The following DOCK9 variants were observed in gnomAD, a reference collection of about 807,000 sequenced individuals.
The protein encoded by DOCK9 is dedicator of cytokinesis protein 9.
DOCK9 carries 89 observed loss-of-function variants against 263.3 expected under a neutral mutation model. The ratio of observed to expected loss-of-function variants is 0.34; its 90% CI spans 0.28 to 0.40. The LOEUF (loss-of-function observed/expected upper bound fraction) is 0.40, where lower values mean the gene tolerates loss of function less well. Among genes scored for constraint, DOCK9 ranks in the 10% least tolerant of loss-of-function variants. The probability of loss-of-function intolerance (pLI) is 1.00; values close to 1 mark genes in which losing one functional copy is unlikely to be tolerated. For synonymous variants in DOCK9, 976 were observed against 973.1 expected (o/e 1.00, Z -0.06); for missense variants, 2,140 against 2,603.4 (o/e 0.82, Z 3.87).
intron 1 of DOCK9, among the ~76,000 whole-genome samples, chr13:99,057,965 A>C (rs2041004051): frequency 1.3e-5 from 2 of 152,300 alleles, no homozygotes; most frequent in South Asian, 4.1e-4. Context: ...ACAATCCTAG[A>C]ATAATTACAT....
intron 2 of DOCK9, among the ~76,000 whole-genome samples, chr13:98,940,085 C>T (rs564020471): frequency 1.7e-3 from 254 of 152,290 alleles, no homozygotes; most frequent in Non-Finnish European, 2.5e-3. Context: ...TGTTTCAGAG[C>T]ATATGACTTG....
intron 1 of DOCK9, among the ~76,000 whole-genome samples, chr13:99,006,152 T>C (rs189906605): frequency 2.9e-3 from 439 of 152,300 alleles, no homozygotes; most frequent in African/African-American, 0.01. Context: ...AAACACGTGA[T>C]GAAGATAACG....
intron 2 of DOCK9, among the ~76,000 whole-genome samples, chr13:98,953,007 T>C (rs559199326): frequency 1.3e-5 from 2 of 152,312 alleles, no homozygotes; most frequent in South Asian, 4.1e-4. Context: ...CTGCTCTTAT[T>C]CTGCCTAAGA....
At chr13:98,830,500 G>A (rs2092716595) in intron 41 of DOCK9, among the ~76,000 whole-genome samples, 1 of 152,178 alleles carries the variant, frequency 6.6e-6, no homozygotes, top group Non-Finnish European at 1.5e-5. Flanking sequence ...ATGCCACCAT[G>A]GGTCCTCCTC....
chr13:98,978,741 A>G (rs1449158133), upstream of DOCK9, among the ~76,000 whole-genome samples: 3 of 152,192 alleles, frequency 2.0e-5, no homozygotes, highest in Non-Finnish European at 4.4e-5. Context: ...CTCCCTTCAA[A>G]GAACTTCACA....
At position 99,017,347 on chromosome 13, in the gene DOCK9, A is replaced by G. The variant is rs1229391539; in HGVS notation, c.130-61796T>C. On this transcript the variant is annotated intron_variant, in intron 1 of 32. Transcript: ENST00000427887. ...TTAAATGTCAGTTTTGAGAATTCAG[A>G]AAATCTACCAATTAACCTGACTCCT... Among the ~76,000 whole-genome samples, 4 of 152,244 alleles carry G rather than the reference A, an allele frequency of 2.6e-5. No homozygotes were observed. In the East Asian group the frequency reaches 7.7e-4, roughly 29 times the overall value.
At chr13:98,942,516 G>A (rs909761433) in intron 2 of DOCK9, among the ~76,000 whole-genome samples, 1 of 152,136 alleles carries the variant, frequency 6.6e-6, no homozygotes, top group Non-Finnish European at 1.5e-5. Context: ...GGGATTACAG[G>A]CGTGAGCCAC....
chr13:98,868,815 T>A (rs1357993676), intron 27 of DOCK9, among the ~76,000 whole-genome samples: 1 of 152,202 alleles, frequency 6.6e-6, no homozygotes, highest in Non-Finnish European at 1.5e-5. Flanking sequence ...AAAAATGAAT[T>A]AACCCTCCTT....
At chr13:99,078,140 T>C (rs2041985050) in intron 1 of DOCK9, among the ~76,000 whole-genome samples, 1 of 151,966 alleles carries the variant, frequency 6.6e-6, no homozygotes, top group South Asian at 2.1e-4. Flanking sequence ...AAGGAGCTGG[T>C]AGGACAGCCA....
At chr13:98,934,702 C>T (rs1452393527) in intron 2 of DOCK9, among the ~76,000 whole-genome samples, 1 of 152,132 alleles carries the variant, frequency 6.6e-6, no homozygotes. Context: ...ATCTCATTTC[C>T]ACAGTCACCC....
chr13:98,799,047 A>G (rs2089793656), intron 50 of DOCK9, among the ~76,000 whole-genome samples: 1 of 152,186 alleles, frequency 6.6e-6, no homozygotes, highest in African/African-American at 2.4e-5. Context: ...GACCTGTTAC[A>G]TAATCACTCA....
intron 1 of DOCK9, among the ~76,000 whole-genome samples, chr13:99,023,233 G>A (rs1279195637): frequency 6.6e-6 from 1 of 152,234 alleles, no homozygotes; most frequent in Non-Finnish European, 1.5e-5. Context: ...AGCAACTGAA[G>A]TGTCCATCAG....
chr13:98,922,838 C>T (rs2052276167), intron 5 of DOCK9, among the ~76,000 whole-genome samples: 1 of 152,184 alleles, frequency 6.6e-6, no homozygotes, highest in African/African-American at 2.4e-5. Flanking sequence ...TCTCAATGCC[C>T]TACTCCCTTT....
Position 98,880,616 on chromosome 13 carries a change from T to C in DOCK9, c.2802A>G (p.Glu934=). The change falls in exon 26 of 53, where the codon GAA becomes GAG. Residue 934 remains glutamate, a synonymous_variant. Coordinates refer to ENST00000682017, the MANE Select transcript of DOCK9 (RefSeq NM_001366683.2). The part of the protein sequence containing the change: ...VASEYKTVHE[E]LTKSMTTILK... ...GAATCGTGGTCATGGATTTGGTCAG[T>C]TCTTCATGCACTGTCTTGTATTCAG... 1.2e-6 allele frequency: 2 copies of C among 1,613,928 alleles called. No homozygotes were observed. Among genetic ancestry groups the C allele is most frequent in the Non-Finnish European group, 1.7e-6 (2 of 1,179,868 alleles).
intron 45 of DOCK9, among the ~76,000 whole-genome samples, chr13:98,811,495 T>C (rs1162367854): frequency 1.3e-5 from 2 of 152,056 alleles, no homozygotes; most frequent in African/African-American, 4.8e-5. Flanking sequence ...TAGGCTGGGG[T>C]ACAGTGGCAT....
At chr13:99,086,807 G>T (rs1325845741), upstream of DOCK9, among the ~76,000 whole-genome samples, 1 of 150,142 alleles carries the variant, frequency 6.7e-6, no homozygotes, top group Non-Finnish European at 1.5e-5. Flanking sequence ...TAGGCGGCCG[G>T]ACTGGCAGGG....
intron 9 of DOCK9, among the ~76,000 whole-genome samples, chr13:98,910,222 G>C (rs1175300998): frequency 6.6e-6 from 1 of 152,160 alleles, no homozygotes; most frequent in Non-Finnish European, 1.5e-5. Flanking sequence ...TTTATAACCT[G>C]ATTATGTTAC....
chr13:98,803,188 C>T (rs868461471), intron 49 of DOCK9, among the ~76,000 whole-genome samples: 2 of 152,178 alleles, frequency 1.3e-5, no homozygotes, highest in South Asian at 2.1e-4. Flanking sequence ...CTCTCTGAAG[C>T]GCACTCTCTG....
At chr13:98,903,934 T>A (rs9517478) in intron 10 of DOCK9, among the ~76,000 whole-genome samples, 86,970 of 151,898 alleles carry the variant, frequency 0.57, 25,194 homozygotes, top group Middle Eastern at 0.61. Flanking sequence ...AATAGGCAGG[T>A]TCACAGAGTA....
Sources: allele counts gnomAD v4.1 joint callset (sites outside exome capture counted in the v4.1 genomes callset), GRCh38; gene constraint gnomAD v4.1.1; transcripts MANE v1.5; gene names NCBI Gene and HGNC (gene_info 2026-07-23, HGNC 2026-07-21).